Variants in SMC1B observed in about 807,000 individuals in gnomAD.
SMC1B encodes the protein structural maintenance of chromosomes 1B.
Under a neutral mutation model 157.9 loss-of-function variants are expected in SMC1B, and 60 were observed. That is an observed-to-expected ratio of 0.38 (90% CI 0.31 to 0.47). The LOEUF is 0.47. Ranked by LOEUF, SMC1B falls within the 20% of genes least tolerant of loss-of-function variation. The pLI, the probability that SMC1B is intolerant of heterozygous loss-of-function variation, is 0.99. For missense variants in SMC1B, 1,165 were observed against 1,426.2 expected, an observed-to-expected ratio of 0.82 and a Z score of 2.95; for synonymous variants, 445 against 483.0, an observed-to-expected ratio of 0.92 and a Z score of 1.03.
intron 21 of SMC1B, among the ~76,000 whole-genome samples, chr22:45,352,943 T>C (rs2086629187): frequency 6.6e-6 from 1 of 152,174 alleles, no homozygotes; most frequent in Admixed American, 6.5e-5. Flanking sequence ...ATACCTATTA[T>C]GGGCCAGGTA....
rs1008493152 is a variant in SMC1B, at chr22:45,345,482, C to T, written c.3583G>A (p.Ala1195Thr). 3.0e-5 allele frequency: 49 copies of T among 1,613,124 alleles called. No individual in the cohort carries two copies. Among genetic ancestry groups the T allele is most frequent in the African/African-American group, 4.0e-5 (3 of 74,876 alleles). ...ACCTCAGGATAGATGCCGATCAGCG[C>T]GTCGGCTCTGGAATAGAACTCTTCT... ...LKEEFYSRAD[A>T]LIGIYPEYDD... Residue 1195 changes from alanine (A) to threonine (T), a missense_variant, in exon 24 of 25, where the codon GCG becomes ACG. Transcript: ENST00000357450.
At chr22:45,369,253 T>A (rs1022243895) in intron 15 of SMC1B, among the ~76,000 whole-genome samples, 3 of 150,272 alleles carry the variant, frequency 2.0e-5, no homozygotes, top group South Asian at 2.1e-4. Context: ...CCTGCCACCA[T>A]GCCCAGCTAA....
intron 14 of SMC1B, 115 bp downstream of exon 14, chr22:45,371,356 G>A: frequency 7.4e-7 from 1 of 1,358,922 alleles, no homozygotes; most frequent in Non-Finnish European, 9.5e-7. Flanking sequence ...TGTTGTTTCT[G>A]ACAGGGCACT....
At chr22:45,362,044 A>G in intron 16 of SMC1B, 60 bp from the exon 17 acceptor site, 1 of 1,527,210 alleles carries the variant, frequency 6.5e-7, no homozygotes, top group South Asian at 1.2e-5. Flanking sequence ...AGGTACTTCT[A>G]TGTTCTTATC....
intron 12 of SMC1B, among the ~76,000 whole-genome samples, chr22:45,382,617 A>T (rs544752579): frequency 8.9e-4 from 119 of 133,596 alleles, no homozygotes; most frequent in African/African-American, 3.2e-3. Context: ...TTGTATATAA[A>T]TTATATTCCA....
At chr22:45,404,557 G>T (rs777890213) in intron 4 of SMC1B, among the ~76,000 whole-genome samples, 2 of 152,188 alleles carry the variant, frequency 1.3e-5, no homozygotes, top group Non-Finnish European at 2.9e-5. Context: ...GAGGCTTCCT[G>T]TGCATAACAA....
chr22:45,405,778 T>C (rs1429548615), intron 4 of SMC1B, among the ~76,000 whole-genome samples: 2 of 152,182 alleles, frequency 1.3e-5, no homozygotes, highest in Admixed American at 6.6e-5. Flanking sequence ...AACAAAATTA[T>C]TTTCATAATA....
chr22:45,402,754 C>T (rs574251592), intron 4 of SMC1B, among the ~76,000 whole-genome samples, 183 bp from the exon 5 acceptor site: 2 of 152,208 alleles, frequency 1.3e-5, no homozygotes, highest in African/African-American at 2.4e-5. Flanking sequence ...TAACCCAATA[C>T]ACCAGCAAAT....
Position 45,363,004 on chromosome 22 carries a change from T to A in SMC1B, c.2443A>T (p.Thr815Ser), listed in dbSNP as rs752317338. 6.3e-7 allele frequency: 1 copy of A among 1,587,264 alleles called. No homozygotes were observed. Among genetic ancestry groups the A allele is most frequent in the South Asian group, 1.2e-5 (1 of 84,962 alleles). Residue 815 changes from threonine (T) to serine (S), a missense_variant, in exon 16 of 25, where the codon ACT (threonine) becomes TCT (serine). Physicochemically the swap from Thr to Ser is moderately conservative, Grantham distance 58. Transcript: ENST00000357450. ...TACTCAAGTTGAACATTAAGCCGAG[T>A]TTTTTGTTTTTCAAATTCTAATCTA... ...QKRLEFEKQK[T>S]RLNVQLEYSR...
intron 4 of SMC1B, among the ~76,000 whole-genome samples, chr22:45,405,938 A>G (rs2087254513): frequency 1.3e-5 from 2 of 152,226 alleles, no homozygotes; most frequent in Non-Finnish European, 2.9e-5. Flanking sequence ...GGAAATTATA[A>G]AAGTGGTAAA....
intron 12 of SMC1B, among the ~76,000 whole-genome samples, chr22:45,377,941 C>A (rs2086899063): frequency 6.6e-6 from 1 of 152,006 alleles, no homozygotes; most frequent in Admixed American, 6.6e-5. Flanking sequence ...CTTGACCTCC[C>A]AGGCTTAAGT....
intron 10 of SMC1B, 88 bp from the exon 11 acceptor site, chr22:45,387,134 C>A (rs867188610): frequency 1.1e-5 from 12 of 1,138,030 alleles, no homozygotes; most frequent in Non-Finnish European, 1.4e-5. Context: ...AACATATATA[C>A]GCATGGCAGC....
chr22:45,399,275 T>A lies in SMC1B; in HGVS notation c.933A>T (p.Lys311Asn), dbSNP rs749897136. Residue 311 changes from lysine to asparagine, a missense_variant, in exon 6 of 25, where the codon AAA becomes AAT. Physicochemically the swap from Lys to Asn is moderately conservative, Grantham distance 94. Coordinates refer to ENST00000357450, the MANE Select transcript of SMC1B (RefSeq NM_148674.5). Reference protein sequence around the residue: ...AKENTSHHLKKLDVAKKSIKD... With the variant: ...AKENTSHHLKNLDVAKKSIKD... ...TTATTGATTTCTTAGCCACATCTAA[T>A]TTCTTAAGGTGGTGAGAAGTGTTTT... 8.1e-6 allele frequency: 13 copies of A among 1,614,032 alleles called. No individual in the cohort carries two copies.
chr22:45,367,043 C>G (rs948860533), intron 15 of SMC1B, among the ~76,000 whole-genome samples: 1 of 152,162 alleles, frequency 6.6e-6, no homozygotes, highest in Non-Finnish European at 1.5e-5. Flanking sequence ...TTGGAGATCA[C>G]CAAGTTTCCT....
chr22:45,381,649 C>G (rs750471192), intron 12 of SMC1B, among the ~76,000 whole-genome samples: 1 of 152,204 alleles, frequency 6.6e-6, no homozygotes, highest in Non-Finnish European at 1.5e-5. Flanking sequence ...TCCCTCCTAG[C>G]TGCCACCTGG....
In SMC1B at chr22:45,406,825, A is replaced by C. The variant is rs1370052984; in HGVS notation, c.339T>G (p.Ser113Arg). 6.3e-7 allele frequency: 1 copy of C among 1,581,368 alleles called. No homozygotes were observed. Among genetic ancestry groups the C allele is most frequent in the South Asian group, 1.2e-5 (1 of 83,578 alleles). The change falls in exon 3 of 25, where the codon AGT becomes AGG. Residue 113 changes from serine to arginine, a missense_variant. By Grantham distance (110) the Ser-to-Arg change is moderately radical. Coordinates refer to ENST00000357450, the MANE Select transcript of SMC1B (RefSeq NM_148674.5). Reference sequence around the variant, plus strand: ...CCAACTCTGCAATGTAAACAGAACGACTCACAAGATTATCATTAAAGCGAA... The same window carrying C: ...CCAACTCTGCAATGTAAACAGAACGCCTCACAAGATTATCATTAAAGCGAA... The part of the protein sequence containing the change: ...SEFRFNDNLV[S>R]RSVYIAELEK...
At chr22:45,344,845 A>G (rs528313510) in intron 24 of SMC1B, among the ~76,000 whole-genome samples, 188 bp from the exon 25 acceptor site, 3 of 152,272 alleles carry the variant, frequency 2.0e-5, no homozygotes, top group African/African-American at 7.2e-5. Flanking sequence ...TTACTCATGC[A>G]TTATATTTCC....
rs1569193490 is a variant in SMC1B, at chr22:45,393,859, A to C, written c.1338-18T>G. 8 of 1,578,032 alleles carry C rather than the reference A, an allele frequency of 5.1e-6. No homozygotes were observed. The South Asian group carries it at 9.1e-5, about 18-fold the overall frequency. On this transcript the variant is annotated intron_variant, in intron 8 of 24. Coordinates refer to ENST00000357450, the MANE Select transcript of SMC1B (RefSeq NM_148674.5). ...AGCAATCCCTACAAAATAACAACAA[A>C]TTATACAGCAAAATGATAAACCAAA... is the stretch of plus-strand genomic sequence containing the variant.
chr22:45,388,135 AACAGAT>A (rs1303838835), intron 10 of SMC1B, among the ~76,000 whole-genome samples: 18 of 152,318 alleles, frequency 1.2e-4, no homozygotes, highest in Middle Eastern at 3.4e-3. Flanking sequence ...TTGGGTTTAC[AACAGAT>A]CACAAAGTGT....
Sources: allele counts gnomAD v4.1 joint callset (sites outside exome capture counted in the v4.1 genomes callset), GRCh38; gene constraint gnomAD v4.1.1; transcripts MANE v1.5; gene names NCBI Gene and HGNC (gene_info 2026-07-23, HGNC 2026-07-21).